Variants in CDH4 observed in about 807,000 individuals in gnomAD.
CDH4 encodes cadherin 4, also known as cadherin-4.
In CDH4, 33 loss-of-function variants were observed where a neutral mutation model predicts 86.0. The ratio of observed to expected loss-of-function variants is 0.38; its 90% CI spans 0.29 to 0.51. The LOEUF (loss-of-function observed/expected upper bound fraction) is 0.51. Among genes scored for constraint, CDH4 ranks in the 20% least tolerant of loss-of-function variants. The pLI is 0.86. For missense variants in CDH4, 1,114 were observed against 1,307.4 expected (o/e 0.85, Z 2.28); for synonymous variants, 555 against 549.4 (o/e 1.01, Z -0.14).
At chr20:61,438,099 C>T (rs2085295203) in intron 2 of CDH4, among the ~76,000 whole-genome samples, 1 of 152,220 alleles carries the variant, frequency 6.6e-6, no homozygotes, top group Non-Finnish European at 1.5e-5. Flanking sequence ...CTATCGTCTG[C>T]CACCCTGAAC....
chr20:61,412,144 C>T (rs1186372711), intron 2 of CDH4, among the ~76,000 whole-genome samples: 1 of 152,230 alleles, frequency 6.6e-6, no homozygotes. Context: ...GGTTCTTACC[C>T]AGATCATGGT....
At position 61,746,118 on chromosome 20, in the gene CDH4, T is replaced by C. The variant is rs113942423; in HGVS notation, c.396+2329T>C. Among the ~76,000 whole-genome samples the C allele has an allele frequency of 5.3e-5, 8 of 152,240 alleles. No homozygotes were observed. In the East Asian group the frequency reaches 1.6e-3, roughly 30 times the overall value. On this transcript the variant is annotated intron_variant, in intron 3 of 15. Transcript: ENST00000614565. ...CAGCAGAGCGTGCCTCTAACAGCAG[T>C]GGCCCCCAAATCGTGAGCCCCACCT...
At chr20:61,367,165 G>A (rs531500884) in intron 2 of CDH4, among the ~76,000 whole-genome samples, 24 of 152,304 alleles carry the variant, frequency 1.6e-4, no homozygotes, top group Admixed American at 1.0e-3. Flanking sequence ...CACCAGAGCC[G>A]TCACTTCCCC....
intron 2 of CDH4, among the ~76,000 whole-genome samples, chr20:61,443,163 G>C (rs2427100): frequency 0.3 from 45,393 of 152,150 alleles, 7,524 homozygotes; most frequent in East Asian, 0.52. Flanking sequence ...GAAGCACCTC[G>C]CTTTACCTGG....
chr20:61,492,144 G>A lies in CDH4; in HGVS notation c.169+237207G>A, dbSNP rs1005362903. On this transcript the variant is annotated intron_variant, in intron 2 of 15. Coordinates refer to ENST00000614565, the MANE Select transcript of CDH4 (RefSeq NM_001794.5). Reference sequence around the variant, plus strand: ...CGATATTGTTAATGTTGGTGGTGTCGATATTGCTGATGTTGTTGGTGTCGA... The same window carrying A: ...CGATATTGTTAATGTTGGTGGTGTCAATATTGCTGATGTTGTTGGTGTCGA... Among the ~76,000 whole-genome samples the A allele has an allele frequency of 1.2e-4, 18 of 151,706 alleles. No individual in the cohort carries two copies. In the South Asian group the frequency reaches 1.7e-3, roughly 14 times the overall value.
chr20:61,852,938 C>T (rs1193046876), intron 6 of CDH4, 40 bp downstream of exon 6: 26 of 1,608,450 alleles, frequency 1.6e-5, no homozygotes, highest in Non-Finnish European at 2.0e-5. Context: ...ACCCTGTGGG[C>T]TCTGCGGGTG....
Position 61,393,203 on chromosome 20 carries a change from G to C in CDH4, c.169+138266G>C, listed in dbSNP as rs1274633574. Among the ~76,000 whole-genome samples, 1 of 152,008 alleles carries C rather than the reference G, an allele frequency of 6.6e-6. No homozygotes were observed. The highest frequency in any genetic ancestry group is 2.4e-5 in the African/African-American group (1 of 41,374). ...GTGACATTGACAACACTGTTTAATC[G>C]GTCCTCGCGGGAGCTTCCCTGGGGG... On this transcript the variant is annotated intron_variant, in intron 2 of 15. Transcript: ENST00000614565. This position sits in a 1 kb window ranked among gnomAD's most constrained non-coding sequence, Gnocchi z 4.3.
chr20:61,350,594 G>A (rs974322229), intron 2 of CDH4, among the ~76,000 whole-genome samples: 7 of 150,034 alleles, frequency 4.7e-5, no homozygotes, highest in Admixed American at 6.6e-5. Context: ...AGAGGCCAGC[G>A]GGACACCTCT....
At chr20:61,818,207 C>T (rs1219119261) in intron 4 of CDH4, among the ~76,000 whole-genome samples, 3 of 152,240 alleles carry the variant, frequency 2.0e-5, no homozygotes, top group Middle Eastern at 6.8e-3. Context: ...TTTTGTATTT[C>T]AGCAACACTA....
intron 8 of CDH4, among the ~76,000 whole-genome samples, chr20:61,899,085 C>A (rs1157099355): frequency 2.0e-5 from 3 of 151,866 alleles, no homozygotes; most frequent in African/African-American, 7.3e-5. Flanking sequence ...TCACGAGGTC[C>A]GGAGTTCAAG....
intron 4 of CDH4, among the ~76,000 whole-genome samples, chr20:61,825,316 C>T (rs1042847151): frequency 3.9e-5 from 6 of 152,060 alleles, no homozygotes; most frequent in South Asian, 2.1e-4. Context: ...AGCTGAGGCA[C>T]GAGAATTGCT....
chr20:61,414,733 G>A (rs778874615), intron 2 of CDH4, among the ~76,000 whole-genome samples: 3 of 152,202 alleles, frequency 2.0e-5, no homozygotes, highest in Non-Finnish European at 4.4e-5. Flanking sequence ...TCAGAATTCC[G>A]ATTAGAGCTG....
intron 2 of CDH4, among the ~76,000 whole-genome samples, chr20:61,717,268 C>T (rs1281652056): frequency 1.3e-5 from 2 of 152,210 alleles, no homozygotes; most frequent in East Asian, 1.9e-4. Context: ...GGGCCATGAG[C>T]ACCATGCCAC....
intron 2 of CDH4, among the ~76,000 whole-genome samples, chr20:61,695,138 A>G (rs1188906095): frequency 6.6e-6 from 1 of 152,220 alleles, no homozygotes; most frequent in Non-Finnish European, 1.5e-5. Context: ...GTGCCTCCAG[A>G]TTGGTAATGT....
At chr20:61,513,393 A>G (rs1373309155) in intron 2 of CDH4, among the ~76,000 whole-genome samples, 1 of 152,208 alleles carries the variant, frequency 6.6e-6, no homozygotes, top group Non-Finnish European at 1.5e-5. Flanking sequence ...AATGTTAACA[A>G]AGGGCCTGGG....
chr20:61,301,604 C>T (rs1023229123), intron 2 of CDH4, among the ~76,000 whole-genome samples: 1 of 152,178 alleles, frequency 6.6e-6, no homozygotes. Flanking sequence ...TTCATAAAGG[C>T]CCCGACTTTT....
In CDH4 at chr20:61,518,383, T is replaced by G. The variant is rs1043439068; in HGVS notation, c.170-225180T>G. Among the ~76,000 whole-genome samples the G allele has an allele frequency of 2.0e-5, 3 of 152,258 alleles. No individual in the cohort carries two copies. The highest frequency in any genetic ancestry group is 4.2e-4 in the South Asian group (2 of 4,816). ...GGTACGTTATCAGATAGGCTGGAAT[T>G]TGGCCAAATTCTCTGTTATGATGAG... On this transcript the variant is annotated intron_variant, in intron 2 of 15. Transcript: ENST00000614565. The surrounding 1 kb of genome is among the most constrained non-coding windows in gnomAD (Gnocchi z 6.3).
chr20:61,381,639 C>G (rs1347703590), intron 2 of CDH4, among the ~76,000 whole-genome samples: 1 of 151,974 alleles, frequency 6.6e-6, no homozygotes, highest in Non-Finnish European at 1.5e-5. Context: ...AGAATGTCCC[C>G]CCTTGGAAGA....
At chr20:61,646,322 A>G (rs2087060862) in intron 2 of CDH4, among the ~76,000 whole-genome samples, 1 of 152,116 alleles carries the variant, frequency 6.6e-6, no homozygotes, top group Non-Finnish European at 1.5e-5. Context: ...GTGAGTGTTT[A>G]TTCAGCCCGC....
Sources: gnomAD v4.1 joint callset for allele counts (sites outside exome capture counted in the v4.1 genomes callset) on GRCh38, gnomAD v4.1.1 for gene constraint, Gnocchi (gnomAD v3.1) non-coding constraint, MANE v1.5 for transcripts, NCBI Gene and HGNC (gene_info 2026-07-23, HGNC 2026-07-21) for gene names.